The following CDK14 variants were observed in gnomAD, a reference collection of about 807,000 sequenced individuals.
The protein encoded by CDK14 is cyclin dependent kinase 14.
A neutral mutation model predicts 60.7 loss-of-function variants in CDK14; 34 were observed. The observed-to-expected ratio is 0.56, with a 90% CI of 0.43 to 0.75. The LOEUF (loss-of-function observed/expected upper bound fraction) is 0.75. Among genes scored for constraint, CDK14 ranks in the 30% least tolerant of loss-of-function variants. The pLI is 0.00. For synonymous variants in CDK14, 197 were observed against 203.7 expected, an observed-to-expected ratio of 0.97 and a Z score of 0.28; for missense variants, 482 against 564.1, an observed-to-expected ratio of 0.85 and a Z score of 1.47.
At chr7:90,752,286 T>TG (rs1453050084) in intron 4 of CDK14, among the ~76,000 whole-genome samples, 1 of 116,014 alleles carries the variant, frequency 8.6e-6, no homozygotes, top group East Asian at 2.0e-4. Context: ...TCTCAGTAAA[T>TG]TAAAAAAAAA....
At chr7:90,705,121 GTTTTC>G (rs1281920821) in intron 2 of CDK14, among the ~76,000 whole-genome samples, 3 of 151,482 alleles carry the variant, frequency 2.0e-5, no homozygotes, top group Admixed American at 6.6e-5. Context: ...GAAAATTTCT[GTTTTC>G]TTTATTACTT....
intron 5 of CDK14, among the ~76,000 whole-genome samples, chr7:90,842,192 A>G (rs189332500): frequency 1.3e-5 from 2 of 152,292 alleles, no homozygotes; most frequent in African/African-American, 4.8e-5. Context: ...ACCTTATTTT[A>G]TATATTTTCT....
intron 14 of CDK14, among the ~76,000 whole-genome samples, chr7:91,151,164 C>T (rs1800817740): frequency 6.6e-6 from 1 of 152,142 alleles, no homozygotes. Flanking sequence ...CAGCCTCTTG[C>T]TCTTACCCTT....
chr7:90,766,369 G>A (rs958982914), intron 4 of CDK14, among the ~76,000 whole-genome samples: 2 of 152,132 alleles, frequency 1.3e-5, no homozygotes, highest in African/African-American at 4.8e-5. Context: ...TACATTTAGT[G>A]TTTAGAACAT....
At chr7:90,776,125 T>C (rs1205518329) in intron 4 of CDK14, among the ~76,000 whole-genome samples, 1 of 152,190 alleles carries the variant, frequency 6.6e-6, no homozygotes, top group African/African-American at 2.4e-5. Context: ...TTTTTACCTC[T>C]GTGGATGACT....
chr7:91,058,191 G>A (rs1435017857), intron 11 of CDK14, among the ~76,000 whole-genome samples: 5 of 152,172 alleles, frequency 3.3e-5, no homozygotes, highest in African/African-American at 1.2e-4. Flanking sequence ...GTTCACTCAT[G>A]ATTTGGCTTT....
rs540895664 is a variant in CDK14 at position 90,656,639 on chromosome 7, A to C, written c.123+52390A>C. Among the ~76,000 whole-genome samples the C allele has an allele frequency of 3.3e-5, 5 of 152,092 alleles. No individual in the cohort carries two copies. The East Asian group carries it at 9.6e-4, about 29-fold the overall frequency. The stretch of plus-strand genomic sequence containing the variant: ...GTGATCTGCCTGCCTCGGCCTCCCA[A>C]AGTGCTAGGATTACAGGCGTGAGCC... On this transcript the variant is annotated intron_variant, in intron 2 of 14. Coordinates refer to ENST00000380050, the MANE Select transcript of CDK14 (RefSeq NM_001287135.2).
intron 11 of CDK14, among the ~76,000 whole-genome samples, chr7:91,046,482 A>T (rs1215630886): frequency 6.6e-6 from 1 of 152,162 alleles, no homozygotes; most frequent in Non-Finnish European, 1.5e-5. Flanking sequence ...ACACTGAAAA[A>T]TCTGAAAGAA....
intron 10 of CDK14, among the ~76,000 whole-genome samples, chr7:90,998,029 A>G (rs896896224): frequency 6.6e-6 from 1 of 152,232 alleles, no homozygotes; most frequent in Admixed American, 6.5e-5. Flanking sequence ...TCTACCTTAT[A>G]CCAAAAATCT....
chr7:91,024,848 G>A (rs964945150), intron 10 of CDK14, among the ~76,000 whole-genome samples: 2 of 152,086 alleles, frequency 1.3e-5, no homozygotes, highest in African/African-American at 4.8e-5. Context: ...TATTTGATAG[G>A]TTGTCTTTAG....
intron 10 of CDK14, among the ~76,000 whole-genome samples, chr7:91,020,705 G>A (rs1224960552): frequency 2.6e-5 from 4 of 152,138 alleles, no homozygotes; most frequent in Non-Finnish European, 1.5e-5. Context: ...TCTTGGACAT[G>A]CCTATTATTT....
intron 14 of CDK14, among the ~76,000 whole-genome samples, chr7:91,120,400 A>G (rs1277917148): frequency 1.3e-5 from 2 of 152,234 alleles, no homozygotes; most frequent in African/African-American, 4.8e-5. Context: ...AAATGTAAAA[A>G]TGTATTTTCT....
intron 3 of CDK14, among the ~76,000 whole-genome samples, chr7:90,733,482 G>A (rs180777912): frequency 6.6e-6 from 1 of 152,240 alleles, no homozygotes; most frequent in East Asian, 1.9e-4. Flanking sequence ...CTAAGAACTC[G>A]CTTTATGAAT....
Position 90,596,663 on chromosome 7 carries a change from G to GAA in CDK14, c.37_38insAA (p.Ile13LysfsTer5). ...TCATTGAGCCGCAGCCGGCCGAGAA[G>GAA]ATCGGCAAGATGAAGAAGTTGCGGA... On this transcript the variant is annotated frameshift_variant, in exon 1 of 15. Transcript: ENST00000380050. LOFTEE classifies it high-confidence loss of function. The GAA allele has an allele frequency of 6.2e-7, 1 of 1,612,252 alleles. No individual in the cohort carries two copies. The highest frequency in any genetic ancestry group is 1.1e-5 in the South Asian group (1 of 91,078).
intron 2 of CDK14, among the ~76,000 whole-genome samples, chr7:90,717,935 C>T (rs1176747499): frequency 6.6e-6 from 1 of 151,752 alleles, no homozygotes; most frequent in Non-Finnish European, 1.5e-5. Context: ...ACGGAGCTCC[C>T]CCCACCCCAC....
intron 14 of CDK14, among the ~76,000 whole-genome samples, chr7:91,123,143 A>G (rs977204545): frequency 6.6e-6 from 1 of 152,190 alleles, no homozygotes; most frequent in Non-Finnish European, 1.5e-5. Flanking sequence ...ACTATTGACT[A>G]AAGGTCCTTT....
chr7:91,136,016 GA>G (rs1212340276), intron 14 of CDK14, among the ~76,000 whole-genome samples: 1 of 151,792 alleles, frequency 6.6e-6, no homozygotes, highest in African/African-American at 2.4e-5. Context: ...GAAGATGGCT[GA>G]AAAAAAATGA....
At chr7:90,806,318 T>C (rs1017336518) in intron 5 of CDK14, among the ~76,000 whole-genome samples, 2 of 151,904 alleles carry the variant, frequency 1.3e-5, no homozygotes, top group African/African-American at 2.4e-5. Flanking sequence ...ATTAAAGAAA[T>C]GAAAAGACAA....
intron 13 of CDK14, among the ~76,000 whole-genome samples, chr7:91,113,891 A>T (rs1463761912): frequency 6.6e-6 from 1 of 151,488 alleles, no homozygotes; most frequent in Non-Finnish European, 1.5e-5. Context: ...TTAATCTACT[A>T]CTCCCCTTAA....
Sources: gnomAD v4.1 joint callset for allele counts (sites outside exome capture counted in the v4.1 genomes callset) on GRCh38, gnomAD v4.1.1 for gene constraint, MANE v1.5 for transcripts, NCBI Gene and HGNC (gene_info 2026-07-23, HGNC 2026-07-21) for gene names.